KIFAP3: variants seen among roughly 807,000 people sequenced by gnomAD.
KIFAP3 encodes kinesin-associated protein 3.
Under a neutral mutation model 106.5 loss-of-function variants are expected in KIFAP3, and 68 were observed. The observed-to-expected ratio is 0.64, with a 90% CI of 0.53 to 0.78. The LOEUF (loss-of-function observed/expected upper bound fraction) is 0.78, where lower values mean the gene tolerates loss of function less well. Ranked by LOEUF, KIFAP3 falls within the 30% of genes least tolerant of loss-of-function variation. The pLI is 0.00. For missense variants in KIFAP3, 780 were observed against 941.8 expected (o/e 0.83, Z 2.25); for synonymous variants, 320 against 311.5 (o/e 1.03, Z -0.29).
intron 18 of KIFAP3, chr1:169,958,061 A>C (rs1665121675): frequency 7.7e-6 from 1 of 129,522 alleles, no homozygotes; most frequent in Non-Finnish European, 1.6e-5. Flanking sequence ...GATCTGGGCC[A>C]GTTCACCCTT....
chr1:170,064,086 T>C (rs1671316218), intron 1 of KIFAP3, among the ~76,000 whole-genome samples: 1 of 152,180 alleles, frequency 6.6e-6, no homozygotes, highest in Non-Finnish European at 1.5e-5. Context: ...GAGTGGGAGG[T>C]ATATAGATGT....
intron 19 of KIFAP3, among the ~76,000 whole-genome samples, chr1:169,941,858 C>A (rs1390322524): frequency 6.6e-6 from 1 of 151,874 alleles, no homozygotes; most frequent in Non-Finnish European, 1.5e-5. Context: ...TTCATTGTAA[C>A]AAAAAAGAAA....
At chr1:169,990,641 A>G (rs778301387) in intron 11 of KIFAP3, among the ~76,000 whole-genome samples, 3 of 152,140 alleles carry the variant, frequency 2.0e-5, no homozygotes, top group African/African-American at 4.8e-5. Flanking sequence ...ATGACATAAT[A>G]GTGATCCTAT....
At chr1:169,952,653 C>T (rs1295341613) in intron 19 of KIFAP3, among the ~76,000 whole-genome samples, 4 of 152,016 alleles carry the variant, frequency 2.6e-5, no homozygotes, top group Admixed American at 2.0e-4. Flanking sequence ...ATATATACAC[C>T]TGAGTTCAAA....
intron 19 of KIFAP3, among the ~76,000 whole-genome samples, chr1:169,953,810 G>A (rs539397769): frequency 1.3e-5 from 2 of 152,140 alleles, no homozygotes; most frequent in African/African-American, 2.4e-5. Context: ...CACCACACGC[G>A]GCCTTGTGAT....
intron 1 of KIFAP3, among the ~76,000 whole-genome samples, chr1:170,057,260 T>C (rs962506743): frequency 2.0e-5 from 3 of 152,104 alleles, no homozygotes; most frequent in Non-Finnish European, 4.4e-5. Context: ...GCTGGGGGAA[T>C]TGCATAATTC....
chr1:169,988,716 T>G (rs969180916), intron 11 of KIFAP3, among the ~76,000 whole-genome samples: 1 of 152,038 alleles, frequency 6.6e-6, no homozygotes, highest in Admixed American at 6.6e-5. Flanking sequence ...ATGATTCTTT[T>G]ATTTTGCAAT....
chr1:170,033,027 G>A (rs1036562514), intron 7 of KIFAP3, among the ~76,000 whole-genome samples: 1 of 151,668 alleles, frequency 6.6e-6, no homozygotes, highest in African/African-American at 2.4e-5. Context: ...TACTTCTCCA[G>A]TTTAAATAAA....
intron 19 of KIFAP3, among the ~76,000 whole-genome samples, chr1:169,925,732 T>C (rs529982038): frequency 3.4e-4 from 52 of 152,214 alleles, no homozygotes; most frequent in African/African-American, 1.2e-3. Context: ...CAGGCTCTTA[T>C]TAAATTTCTG....
chr1:170,017,318 A>G (rs540316523), intron 9 of KIFAP3, among the ~76,000 whole-genome samples: 2 of 152,080 alleles, frequency 1.3e-5, no homozygotes, highest in Non-Finnish European at 2.9e-5. Context: ...ACAATGTGAT[A>G]AAAACTGAAT....
chr1:170,036,672 A>G (rs930190020), intron 5 of KIFAP3, among the ~76,000 whole-genome samples: 2 of 152,180 alleles, frequency 1.3e-5, no homozygotes, highest in African/African-American at 4.8e-5. Context: ...ATTATAATCC[A>G]GATAAAATAG....
At chr1:169,969,827 A>G (rs1184773771) in intron 17 of KIFAP3, among the ~76,000 whole-genome samples, 1 of 151,986 alleles carries the variant, frequency 6.6e-6, no homozygotes, top group Non-Finnish European at 1.5e-5. Flanking sequence ...AGAGAATAGT[A>G]TCTCAGTGTT....
chr1:169,921,847 G>T, intron 19 of KIFAP3, 66 bp from the exon 20 acceptor site: 1 of 1,168,298 alleles, frequency 8.6e-7, no homozygotes. Context: ...CAGATTAAGA[G>T]GCCTACATTT....
At chr1:169,925,436 AAAAGAG>A (rs1663082986) in intron 19 of KIFAP3, among the ~76,000 whole-genome samples, 1 of 152,040 alleles carries the variant, frequency 6.6e-6, no homozygotes. Flanking sequence ...CAAATTCTTT[AAAAGAG>A]AAAAATTATA....
At chr1:169,928,284 G>A (rs939203504) in intron 19 of KIFAP3, among the ~76,000 whole-genome samples, 1 of 152,134 alleles carries the variant, frequency 6.6e-6, no homozygotes. Context: ...ATATTTAGTA[G>A]AGACTGGGTT....
At chr1:170,051,278 A>C (rs1670562113) in intron 2 of KIFAP3, among the ~76,000 whole-genome samples, 2 of 152,190 alleles carry the variant, frequency 1.3e-5, no homozygotes, top group Non-Finnish European at 2.9e-5. Flanking sequence ...CAATGCAACA[A>C]AAAGACCTAA....
chr1:170,064,365 A>G (rs1432399574), intron 1 of KIFAP3, among the ~76,000 whole-genome samples: 1 of 151,994 alleles, frequency 6.6e-6, no homozygotes, highest in Non-Finnish European at 1.5e-5. Flanking sequence ...ATGTTACTTT[A>G]TTTTTTGAGA....
intron 3 of KIFAP3, among the ~76,000 whole-genome samples, chr1:170,046,122 T>C (rs1670233184): frequency 6.8e-6 from 1 of 146,084 alleles, no homozygotes; most frequent in Non-Finnish European, 1.5e-5. Context: ...TTAAAAACTC[T>C]AGGCCCAAAC....
chr1:170,008,723 A>G (rs1668096177), intron 10 of KIFAP3, among the ~76,000 whole-genome samples: 1 of 152,202 alleles, frequency 6.6e-6, no homozygotes, highest in Admixed American at 6.6e-5. Context: ...GATTCCTCAA[A>G]GATCCAGAAC....
Sources: gnomAD v4.1 joint callset for allele counts (sites outside exome capture counted in the v4.1 genomes callset) on GRCh38, gnomAD v4.1.1 for gene constraint, MANE v1.5 for transcripts, NCBI Gene and HGNC (gene_info 2026-07-23, HGNC 2026-07-21) for gene names.